Variants in SNX29 observed in about 807,000 individuals in gnomAD.
The protein encoded by SNX29 is sorting nexin 29, also known as sorting nexin-29.
Under a neutral mutation model 102.1 loss-of-function variants are expected in SNX29, and 78 were observed. The observed-to-expected ratio is 0.76, with a 90% CI of 0.64 to 0.92. The LOEUF is 0.92. Among genes scored for constraint, SNX29 ranks in the 40% least tolerant of loss-of-function variants. The pLI, the probability that SNX29 is intolerant of heterozygous loss-of-function variation, is 0.00. For missense variants in SNX29, 1,280 were observed against 1,061.7 expected (o/e 1.21, Z -2.86); for synonymous variants, 580 against 414.5 (o/e 1.40, Z -4.85).
intron 14 of SNX29, among the ~76,000 whole-genome samples, chr16:12,274,493 T>C (rs1229453483): frequency 1.3e-5 from 2 of 152,148 alleles, no homozygotes; most frequent in Non-Finnish European, 2.9e-5. Flanking sequence ...TTCTCCTTTC[T>C]TGATCTCTTC....
Position 12,225,032 on chromosome 16 carries a change from C to G in SNX29, c.1678+25349C>G, listed in dbSNP as rs142464625. Among the ~76,000 whole-genome samples the G allele has an allele frequency of 3.9e-5, 6 of 152,262 alleles. No individual in the cohort carries two copies. The East Asian group carries it at 1.2e-3, about 29-fold the overall frequency. On this transcript the variant is annotated intron_variant, in intron 14 of 20. Transcript: ENST00000566228. ...TTGCAAACCAGCCTGTGGATCTTGA[C>G]CTCCTCTTACTTTAGTCAGAAATCT...
intron 14 of SNX29, among the ~76,000 whole-genome samples, chr16:12,238,147 T>C (rs1359620150): frequency 1.3e-5 from 2 of 152,094 alleles, no homozygotes; most frequent in African/African-American, 4.8e-5. Flanking sequence ...TTAAAAATCA[T>C]TGTGGTAAAA....
intron 18 of SNX29, among the ~76,000 whole-genome samples, chr16:12,445,711 A>G (rs1440770905): frequency 1.3e-5 from 2 of 152,106 alleles, no homozygotes; most frequent in Non-Finnish European, 2.9e-5. Flanking sequence ...TTCCTCTCCA[A>G]CCTCACAAGT....
chr16:12,389,672 A>G, intron 16 of SNX29, among the ~76,000 whole-genome samples: 1 of 152,212 alleles, frequency 6.6e-6, no homozygotes, highest in East Asian at 1.9e-4. Flanking sequence ...CCCTTTAAGA[A>G]GAACTCCTCC....
intron 12 of SNX29, among the ~76,000 whole-genome samples, chr16:12,127,796 TAA>T (rs935292042): frequency 6.6e-6 from 1 of 152,126 alleles, no homozygotes; most frequent in African/African-American, 2.4e-5. Context: ...GCACTTATCT[TAA>T]AGTTTGCCCA....
intron 4 of SNX29, among the ~76,000 whole-genome samples, chr16:12,036,098 A>G (rs1718968371): frequency 6.6e-6 from 1 of 152,164 alleles, no homozygotes; most frequent in African/African-American, 2.4e-5. Flanking sequence ...TTTTAGAGAC[A>G]GGGCCTTGCT....
At chr16:12,158,451 C>T (rs192454186) in intron 13 of SNX29, among the ~76,000 whole-genome samples, 1 of 152,188 alleles carries the variant, frequency 6.6e-6, no homozygotes, top group Non-Finnish European at 1.5e-5. Flanking sequence ...CCACCCACCT[C>T]GGCCTCCCAA....
chr16:12,353,270 G>T (rs1254796263), intron 15 of SNX29, among the ~76,000 whole-genome samples: 1 of 152,156 alleles, frequency 6.6e-6, no homozygotes, highest in Non-Finnish European at 1.5e-5. Context: ...CCTTGGTGTG[G>T]CACATCATGG....
chr16:12,275,131 C>T (rs564405142), intron 14 of SNX29, among the ~76,000 whole-genome samples: 3 of 152,190 alleles, frequency 2.0e-5, no homozygotes, highest in Non-Finnish European at 2.9e-5. Flanking sequence ...TCCAAAGCTC[C>T]GTGAACTTTG....
chr16:12,117,871 G>A (rs996707184), intron 11 of SNX29, among the ~76,000 whole-genome samples: 1 of 152,014 alleles, frequency 6.6e-6, no homozygotes, highest in Admixed American at 6.6e-5. Context: ...TGAGGCGGGC[G>A]GATCACAAGG....
intron 11 of SNX29, among the ~76,000 whole-genome samples, chr16:12,111,746 G>A (rs1331104151): frequency 6.6e-6 from 1 of 152,212 alleles, no homozygotes; most frequent in Non-Finnish European, 1.5e-5. Context: ...ATTTCAGATG[G>A]TTTAGGAAAG....
chr16:12,443,082 T>A (rs756547550), intron 18 of SNX29: 2 of 454,896 alleles, frequency 4.4e-6, no homozygotes, highest in African/African-American at 2.0e-5. Context: ...TTGAGAGGAG[T>A]GCGTCTGGAG....
chr16:12,188,968 A>G (rs1474057314), intron 13 of SNX29, among the ~76,000 whole-genome samples: 1 of 152,178 alleles, frequency 6.6e-6, no homozygotes, highest in East Asian at 1.9e-4. Flanking sequence ...AATAATCGTT[A>G]TGATTGTGAT....
At chr16:12,289,389 T>C (rs749644087) in intron 15 of SNX29, among the ~76,000 whole-genome samples, 3 of 152,256 alleles carry the variant, frequency 2.0e-5, no homozygotes, top group Non-Finnish European at 4.4e-5. Context: ...ATTGTGCCTC[T>C]GTGCAGGCAT....
chr16:12,442,919 G>T (rs922081312), intron 18 of SNX29: 11 of 434,432 alleles, frequency 2.5e-5, no homozygotes, highest in South Asian at 1.1e-4. Context: ...TTTTTTTCTG[G>T]TTTGACACTG....
At position 12,299,717 on chromosome 16, in the gene SNX29, A is replaced by T. The variant is rs541815268; in HGVS notation, c.1782+21681A>T. The stretch of plus-strand genomic sequence containing the variant: ...CTCTTCCCTCCCTTTCCCCCACCCC[A>T]TCCCTTCTTTTTTAGTAGACTATAT... On this transcript the variant is annotated intron_variant, in intron 15 of 20. Transcript: ENST00000566228. Among the ~76,000 whole-genome samples, 6 of 138,808 alleles carry T rather than the reference A, an allele frequency of 4.3e-5. No individual in the cohort carries two copies. In the South Asian group the frequency reaches 1.4e-3, roughly 33 times the overall value. The allele number at this position is 138,808 out of a possible 152,430, so 91.1% of individuals were successfully genotyped here.
intron 20 of SNX29, among the ~76,000 whole-genome samples, chr16:12,531,573 C>G (rs1248093100): frequency 6.6e-6 from 1 of 152,162 alleles, no homozygotes; most frequent in African/African-American, 2.4e-5. Flanking sequence ...AGCGGCATTG[C>G]CATTCTCTGG....
intron 18 of SNX29, among the ~76,000 whole-genome samples, chr16:12,458,159 C>T (rs563632476): frequency 6.6e-6 from 1 of 152,346 alleles, no homozygotes; most frequent in South Asian, 2.1e-4. Flanking sequence ...CTCTGCACTG[C>T]ACGTGGAGAA....
intron 14 of SNX29, among the ~76,000 whole-genome samples, chr16:12,200,547 A>G (rs942331270): frequency 6.6e-6 from 1 of 151,890 alleles, no homozygotes; most frequent in South Asian, 2.1e-4. Context: ...CAGTGGCACA[A>G]TCTTGGCTCA....
Sources: gnomAD v4.1 joint callset for allele counts (sites outside exome capture counted in the v4.1 genomes callset) on GRCh38, gnomAD v4.1.1 for gene constraint, MANE v1.5 for transcripts, NCBI Gene and HGNC (gene_info 2026-07-23, HGNC 2026-07-21) for gene names.